Variants in PDSS2 observed in about 807,000 individuals in gnomAD.
PDSS2 encodes decaprenyl diphosphate synthase subunit 2.
A neutral mutation model predicts 44.5 loss-of-function variants in PDSS2; 31 were observed. The ratio of observed to expected loss-of-function variants is 0.70; its 90% CI spans 0.52 to 0.94. PDSS2 has a LOEUF of 0.94. Ranked by LOEUF, PDSS2 falls within the 40% of genes least tolerant of loss-of-function variation. The probability of loss-of-function intolerance (pLI) is 0.00; values close to 1 mark genes in which losing one functional copy is unlikely to be tolerated. For missense variants in PDSS2, 452 were observed against 482.2 expected (o/e 0.94, Z 0.59); for synonymous variants, 157 against 180.3 (o/e 0.87, Z 1.03).
rs9386615 is a variant in PDSS2, at chr6:107,156,021, C to A, written c.1042-1244G>T. 0.01 allele frequency among the ~76,000 whole-genome samples: 1,544 copies of A among 150,674 alleles called. 65 individuals carry two copies. In the East Asian group the frequency reaches 0.16, roughly 15 times the overall value. On this transcript the variant is annotated intron_variant, in intron 7 of 7. Coordinates refer to ENST00000369037, the MANE Select transcript of PDSS2 (RefSeq NM_020381.4). ...TCTTCTGCCTCAGCCACCTGAGTAG[C>A]TGGGATTACAGGCGCCTGCCACCAC...
chr6:107,411,671 G>A (rs943930579), intron 1 of PDSS2, among the ~76,000 whole-genome samples: 3 of 152,156 alleles, frequency 2.0e-5, no homozygotes, highest in South Asian at 2.1e-4. Flanking sequence ...GTTTTACAAC[G>A]ATTTAAATAG....
intron 1 of PDSS2, among the ~76,000 whole-genome samples, chr6:107,417,780 C>T (rs1226526359): frequency 4.6e-4 from 1 of 2,156 alleles, no homozygotes; most frequent in Admixed American, 0.01. Flanking sequence ...AATAATAATA[C>T]ACACACACAC....
intron 3 of PDSS2, among the ~76,000 whole-genome samples, chr6:107,250,153 G>T (rs1774764561): frequency 6.7e-6 from 1 of 149,938 alleles, no homozygotes; most frequent in Non-Finnish European, 1.5e-5. Flanking sequence ...ATTGAGAGGA[G>T]TAGGGGATGG....
chr6:107,207,234 C>A (rs917300910), intron 6 of PDSS2, among the ~76,000 whole-genome samples: 2 of 152,016 alleles, frequency 1.3e-5, no homozygotes, highest in African/African-American at 4.8e-5. Context: ...CCTCGTGATC[C>A]GCCTGCCTCG....
chr6:107,320,891 A>C lies in PDSS2; in HGVS notation c.431+13307T>G, dbSNP rs139923519. On this transcript the variant is annotated intron_variant, in intron 2 of 7. Coordinates refer to ENST00000369037, the MANE Select transcript of PDSS2 (RefSeq NM_020381.4). The stretch of plus-strand genomic sequence containing the variant: ...TAAGAAAGTATATGTAAGGCACCCT[A>C]CTTCATAGGTTGTCTACAGTAATGG... 4.9e-3 allele frequency among the ~76,000 whole-genome samples: 746 copies of C among 152,300 alleles called. 2 individuals are homozygous for C. Among genetic ancestry groups the C allele is most frequent in the African/African-American group, 0.017 (693 of 41,572 alleles).
intron 7 of PDSS2, among the ~76,000 whole-genome samples, chr6:107,186,113 A>G (rs1772154993): frequency 6.6e-6 from 1 of 152,204 alleles, no homozygotes; most frequent in Admixed American, 6.5e-5. Flanking sequence ...AGTTTCAGCA[A>G]TGAGGAGAGT....
chr6:107,170,617 C>A (rs868964678), intron 7 of PDSS2, among the ~76,000 whole-genome samples: 7 of 67,274 alleles, frequency 1.0e-4, no homozygotes, highest in Non-Finnish European at 1.3e-4. Flanking sequence ...CCCCCCCCCC[C>A]CCACTTTTTT....
chr6:107,158,552 T>A (rs1054714193), intron 7 of PDSS2, among the ~76,000 whole-genome samples: 5 of 152,094 alleles, frequency 3.3e-5, no homozygotes, highest in South Asian at 2.1e-4. Flanking sequence ...TTCTCAGCAC[T>A]TCACAGATAT....
At chr6:107,309,042 T>C (rs1049693155) in intron 2 of PDSS2, among the ~76,000 whole-genome samples, 2 of 152,140 alleles carry the variant, frequency 1.3e-5, no homozygotes, top group South Asian at 4.1e-4. Context: ...CCCAAATGAT[T>C]TGGATAAATT....
intron 1 of PDSS2, among the ~76,000 whole-genome samples, chr6:107,384,278 A>G (rs1779540615): frequency 6.6e-6 from 1 of 152,044 alleles, no homozygotes; most frequent in South Asian, 2.1e-4. Context: ...GGTTTTTTTG[A>G]GGGGAGTGGT....
At chr6:107,309,184 C>T (rs957753683) in intron 2 of PDSS2, among the ~76,000 whole-genome samples, 2 of 152,178 alleles carry the variant, frequency 1.3e-5, no homozygotes, top group African/African-American at 4.8e-5. Context: ...ATATTTACTG[C>T]CAGTTAATTA....
chr6:107,200,893 G>A (rs1772746508), intron 6 of PDSS2, among the ~76,000 whole-genome samples: 2 of 152,018 alleles, frequency 1.3e-5, no homozygotes, highest in South Asian at 4.1e-4. Context: ...TCAAACTCCT[G>A]TCCTCAGGTG....
intron 1 of PDSS2, among the ~76,000 whole-genome samples, chr6:107,409,634 C>T (rs1780428812): frequency 6.6e-6 from 1 of 152,150 alleles, no homozygotes; most frequent in African/African-American, 2.4e-5. Context: ...AATATAATCT[C>T]CTTCTACTAC....
chr6:107,350,805 T>C (rs1173501863), intron 1 of PDSS2, among the ~76,000 whole-genome samples: 1 of 151,666 alleles, frequency 6.6e-6, no homozygotes, highest in East Asian at 1.9e-4. Flanking sequence ...AGCAGGACCC[T>C]GTCTCAAAAA....
chr6:107,383,455 A>G (rs966893363), intron 1 of PDSS2, among the ~76,000 whole-genome samples: 13 of 152,194 alleles, frequency 8.5e-5, no homozygotes, highest in South Asian at 4.1e-4. Context: ...AATAAAAATT[A>G]GATAAAGTGG....
At chr6:107,340,068 G>C (rs2115279424) in intron 1 of PDSS2, among the ~76,000 whole-genome samples, 1 of 151,476 alleles carries the variant, frequency 6.6e-6, no homozygotes, top group African/African-American at 2.4e-5. Context: ...AGGGTAGCTT[G>C]ATGGACAAAC....
rs115589812 is a variant in PDSS2 at position 107,171,921 on chromosome 6, T to C, written c.1042-17144A>G. On this transcript the variant is annotated intron_variant, in intron 7 of 7. Transcript: ENST00000369037. The stretch of plus-strand genomic sequence containing the variant: ...AGAACTTTCCAAATCTTCAAGCCCT[T>C]ATGGCTTGAAGATCGCTGTAGTCAT... Among the ~76,000 whole-genome samples, 929 of 152,284 alleles carry C rather than the reference T, an allele frequency of 6.1e-3. 10 individuals carry two copies. The highest frequency in any genetic ancestry group is 0.022 in the African/African-American group (894 of 41,562).
intron 6 of PDSS2, among the ~76,000 whole-genome samples, chr6:107,200,091 A>C (rs527279737): frequency 4.9e-4 from 74 of 152,300 alleles, no homozygotes; most frequent in Non-Finnish European, 8.5e-4. Context: ...AAAGGAAAAG[A>C]CCTTAGAATG....
At chr6:107,407,731 G>A (rs55654366) in intron 1 of PDSS2, among the ~76,000 whole-genome samples, 15,638 of 152,054 alleles carry the variant, frequency 0.1, 965 homozygotes, top group South Asian at 0.19. Context: ...ATGGAGTCTC[G>A]CTCTGTTGCC....
Sources: allele counts gnomAD v4.1 joint callset (sites outside exome capture counted in the v4.1 genomes callset), GRCh38; gene constraint gnomAD v4.1.1; transcripts MANE v1.5; gene names NCBI Gene and HGNC (gene_info 2026-07-23, HGNC 2026-07-21).